Variants in FAT3 observed in about 807,000 individuals in gnomAD.
The protein encoded by FAT3 is protocadherin Fat 3.
FAT3 carries 95 observed loss-of-function variants against 310.2 expected under a neutral mutation model. The ratio of observed to expected loss-of-function variants is 0.31; its 90% CI spans 0.26 to 0.36. The LOEUF is 0.36. Ranked by LOEUF, FAT3 falls within the 10% of genes least tolerant of loss-of-function variation. The pLI is 1.00. For synonymous variants in FAT3, 2,314 were observed against 2,192.9 expected (o/e 1.06, Z -1.54); for missense variants, 5,408 against 5,715.6 (o/e 0.95, Z 1.74).
At chr11:92,714,081 C>A (rs952088498) in intron 4 of FAT3, among the ~76,000 whole-genome samples, 1 of 152,152 alleles carries the variant, frequency 6.6e-6, no homozygotes, top group African/African-American at 2.4e-5. Context: ...TGAGAGAGTT[C>A]TTATAAGACT....
chr11:92,468,481 G>A (rs115079181), intron 2 of FAT3, among the ~76,000 whole-genome samples: 1 of 152,156 alleles, frequency 6.6e-6, no homozygotes, highest in African/African-American at 2.4e-5. Context: ...GCCAGGTGTA[G>A]TGTAATTCTT....
chr11:92,294,195 A>T (rs1487789206), intron 1 of FAT3, among the ~76,000 whole-genome samples: 12 of 152,038 alleles, frequency 7.9e-5, no homozygotes, highest in Admixed American at 7.9e-4. Context: ...TCCTTGGTGC[A>T]TGCATGCAGA....
Position 92,792,895 on chromosome 11 carries a change from T to A in FAT3, c.4740T>A (p.Ala1580=). 1 of 1,613,844 alleles carries A rather than the reference T, an allele frequency of 6.2e-7. No individual in the cohort carries two copies. The highest frequency in any genetic ancestry group is 8.5e-7 in the Non-Finnish European group (1 of 1,179,786). The change falls in exon 9 of 28, where the codon GCT becomes GCA. Residue 1580 remains alanine (A), a synonymous_variant. Transcript: ENST00000525166. ...AAGCGTCTGTGTTTGAATCTGCTGCTCTGGGATCAGCTGTTCTGCAAGTGA... is the reference window on the plus strand; with the variant it reads ...AAGCGTCTGTGTTTGAATCTGCTGCACTGGGATCAGCTGTTCTGCAAGTGA... The part of the protein sequence containing the change: ...LYEASVFESA[A]LGSAVLQVTA...
At chr11:92,505,474 C>T (rs1218823201) in intron 2 of FAT3, among the ~76,000 whole-genome samples, 1 of 152,136 alleles carries the variant, frequency 6.6e-6, no homozygotes, top group Non-Finnish European at 1.5e-5. Flanking sequence ...TGCTGGTGTG[C>T]ATCACTGCCC....
intron 3 of FAT3, among the ~76,000 whole-genome samples, chr11:92,563,358 A>C (rs1955303051): frequency 6.6e-6 from 1 of 152,200 alleles, no homozygotes; most frequent in Admixed American, 6.5e-5. Flanking sequence ...CTTTTTGATC[A>C]TGTACTCTTA....
intron 2 of FAT3, among the ~76,000 whole-genome samples, chr11:92,412,720 T>TATATATATATATATATACAC (rs1950306759): frequency 5.3e-5 from 1 of 18,692 alleles, no homozygotes; most frequent in African/African-American, 1.1e-4. Context: ...TATATATATA[T>TATATATATATATATATACAC]ATATATATAT....
chr11:92,483,308 T>C (rs979974977), intron 2 of FAT3, among the ~76,000 whole-genome samples: 2 of 152,016 alleles, frequency 1.3e-5, no homozygotes, highest in African/African-American at 4.8e-5. Flanking sequence ...CATCTTTTTT[T>C]ATCTGTTATT....
chr11:92,830,563 A>C (rs962450386), intron 13 of FAT3, among the ~76,000 whole-genome samples: 3 of 151,974 alleles, frequency 2.0e-5, no homozygotes, highest in African/African-American at 7.3e-5. Flanking sequence ...CACCAATGAC[A>C]CTCAAATTTA....
At position 92,545,292 on chromosome 11, in the gene FAT3, T is replaced by C. The variant is rs963469001; in HGVS notation, c.3607+20344T>C. Among the ~76,000 whole-genome samples, 8 of 152,212 alleles carry C rather than the reference T, an allele frequency of 5.3e-5. 1 individual carries two copies. The highest frequency in any genetic ancestry group is 3.9e-4 in the Admixed American group (6 of 15,282). ...CTTCATGTGCCCCTTCCCTGCTTTA[T>C]TTCTTTTTATCGCTCATCACTATCT... On this transcript the variant is annotated intron_variant, in intron 3 of 27. Transcript: ENST00000525166.
chr11:92,793,959 G>A (rs573688784), intron 9 of FAT3, among the ~76,000 whole-genome samples: 59 of 152,048 alleles, frequency 3.9e-4, no homozygotes, highest in African/African-American at 1.4e-3. Flanking sequence ...TTCTTTCATT[G>A]AATGATAACT....
chr11:92,501,667 G>A (rs1304117266), intron 2 of FAT3, among the ~76,000 whole-genome samples: 3 of 151,764 alleles, frequency 2.0e-5, no homozygotes. Context: ...TTTTTGTTGG[G>A]CTTTTTTCTA....
chr11:92,269,740 A>G (rs1174201727), intron 1 of FAT3, among the ~76,000 whole-genome samples: 1 of 152,108 alleles, frequency 6.6e-6, no homozygotes, highest in Non-Finnish European at 1.5e-5. Context: ...GAGTATCACC[A>G]TATTCGAAAT....
intron 1 of FAT3, among the ~76,000 whole-genome samples, chr11:92,294,427 G>T (rs1946796080): frequency 6.6e-6 from 1 of 152,016 alleles, no homozygotes; most frequent in Non-Finnish European, 1.5e-5. Context: ...GCTAGGTGCT[G>T]ACTTTTGTTG....
At chr11:92,395,078 G>A (rs1269622536) in intron 2 of FAT3, among the ~76,000 whole-genome samples, 1 of 152,194 alleles carries the variant, frequency 6.6e-6, no homozygotes, top group Non-Finnish European at 1.5e-5. Flanking sequence ...AGAGTGAGTA[G>A]TATAAAATAA....
chr11:92,260,735 G>A (rs1159610328), intron 1 of FAT3, among the ~76,000 whole-genome samples: 1 of 152,066 alleles, frequency 6.6e-6, no homozygotes, highest in Non-Finnish European at 1.5e-5. Flanking sequence ...TTTACACAGT[G>A]TCGTTACCAT....
intron 1 of FAT3, among the ~76,000 whole-genome samples, chr11:92,285,538 T>A (rs1339920496): frequency 2.0e-5 from 3 of 152,160 alleles, no homozygotes; most frequent in African/African-American, 4.8e-5. Flanking sequence ...CTTACAACAC[T>A]ATTGTAGCTC....
intron 6 of FAT3, among the ~76,000 whole-genome samples, chr11:92,767,762 T>C (rs777789745): frequency 3.3e-5 from 5 of 152,144 alleles, no homozygotes; most frequent in Non-Finnish European, 7.3e-5. Flanking sequence ...TCTTAACCCC[T>C]ATGGTTAAGG....
chr11:92,755,252 T>G (rs1177724153), intron 4 of FAT3, among the ~76,000 whole-genome samples: 2 of 151,314 alleles, frequency 1.3e-5, no homozygotes, highest in African/African-American at 4.9e-5. Flanking sequence ...AGGTAGAATC[T>G]CACTCTGTTG....
chr11:92,495,229 C>T (rs1373981283), intron 2 of FAT3, among the ~76,000 whole-genome samples: 1 of 152,030 alleles, frequency 6.6e-6, no homozygotes, highest in African/African-American at 2.4e-5. Flanking sequence ...GAACAAGGGA[C>T]AGTATTCTTT....
Sources: gnomAD v4.1 joint callset for allele counts (sites outside exome capture counted in the v4.1 genomes callset) on GRCh38, gnomAD v4.1.1 for gene constraint, MANE v1.5 for transcripts, NCBI Gene and HGNC (gene_info 2026-07-23, HGNC 2026-07-21) for gene names.